Variants in DACH2 observed in about 807,000 individuals in gnomAD.
The protein encoded by DACH2 is dachshund family transcription factor 2.
Under a neutral mutation model 35.8 loss-of-function variants are expected in DACH2, and 17 were observed. The observed-to-expected ratio is 0.48, with a 90% CI of 0.33 to 0.71. The LOEUF (loss-of-function observed/expected upper bound fraction) is 0.71. Ranked by LOEUF, DACH2 falls within the 30% of genes least tolerant of loss-of-function variation. The probability of loss-of-function intolerance (pLI) is 0.02; values close to 1 mark genes in which losing one functional copy is unlikely to be tolerated. For missense variants in DACH2, 469 were observed against 472.7 expected, an observed-to-expected ratio of 0.99 and a Z score of 0.07; for synonymous variants, 195 against 177.3, an observed-to-expected ratio of 1.10 and a Z score of -0.79.
chrX:86,443,177 A>T (rs2037199956), intron 2 of DACH2, among the ~76,000 whole-genome samples: 1 of 111,989 alleles, frequency 8.9e-6, no homozygotes. Flanking sequence ...AATATTAATT[A>T]GTCCAATCCA....
rs182456177 is a variant in DACH2 at position 86,552,688 on chromosome X, T to A, written c.640+38297T>A. On this transcript the variant is annotated intron_variant, in intron 3 of 11. Coordinates refer to ENST00000373125, the MANE Select transcript of DACH2 (RefSeq NM_053281.3). ...TTTTATTGAGAAATGCCTTCATTAA[T>A]TGTATAGCAAGATTTGTTACACATA... Among the ~76,000 whole-genome samples, 32 of 112,098 alleles carry A rather than the reference T, an allele frequency of 2.9e-4. 1 individual carries two copies. In the Admixed American group the frequency reaches 3.0e-3, roughly 10 times the overall value.
intron 1 of DACH2, among the ~76,000 whole-genome samples, chrX:86,233,282 C>A (rs182145477): frequency 2.0e-4 from 22 of 111,403 alleles, no homozygotes; most frequent in African/African-American, 5.9e-4. Context: ...GTACAACAAA[C>A]CCCATGACAC....
intron 1 of DACH2, among the ~76,000 whole-genome samples, chrX:86,267,907 C>T (rs2033740067): frequency 8.9e-6 from 1 of 111,849 alleles, no homozygotes; most frequent in East Asian, 2.8e-4. Context: ...AGAACTTCTC[C>T]TTACATAAAT....
At chrX:86,727,432 C>A (rs949137660) in intron 6 of DACH2, among the ~76,000 whole-genome samples, 1 of 111,577 alleles carries the variant, frequency 9.0e-6, no homozygotes, top group African/African-American at 3.3e-5. Context: ...GTTTAAATTA[C>A]TCTTACTGTC....
intron 3 of DACH2, among the ~76,000 whole-genome samples, chrX:86,614,177 T>C (rs2039978810): frequency 8.9e-6 from 1 of 111,798 alleles, no homozygotes; most frequent in Non-Finnish European, 1.9e-5. Context: ...AATGACTATA[T>C]TATCTAGACG....
At chrX:86,315,948 T>A (rs1260377149) in intron 1 of DACH2, among the ~76,000 whole-genome samples, 1 of 110,047 alleles carries the variant, frequency 9.1e-6, no homozygotes, top group Non-Finnish European at 1.9e-5. Flanking sequence ...AGTAAAAATA[T>A]CAGGGATTTT....
chrX:86,705,067 C>A (rs199890362), intron 5 of DACH2, among the ~76,000 whole-genome samples: 1 of 99,300 alleles, frequency 1.0e-5, no homozygotes, highest in Non-Finnish European at 2.0e-5. Context: ...ATATATATAT[C>A]TCACATATAT....
chrX:86,362,020 C>A (rs2035746395), intron 1 of DACH2, among the ~76,000 whole-genome samples: 1 of 111,050 alleles, frequency 9.0e-6, no homozygotes, highest in Non-Finnish European at 1.9e-5. Context: ...ATTAGTAAAT[C>A]TCTTTAATAC....
At chrX:86,331,841 C>T (rs1306175835) in intron 1 of DACH2, among the ~76,000 whole-genome samples, 2 of 111,378 alleles carry the variant, frequency 1.8e-5, no homozygotes, top group Non-Finnish European at 3.8e-5. Flanking sequence ...CCTTCAGCAA[C>T]CTGCTCATGC....
At chrX:86,388,344 G>T (rs555029455) in intron 2 of DACH2, among the ~76,000 whole-genome samples, 2 of 112,094 alleles carry the variant, frequency 1.8e-5, no homozygotes, top group African/African-American at 6.5e-5. Flanking sequence ...AAGACAGAGT[G>T]AAGCTTTGAT....
chrX:86,300,510 T>G (rs1332185234), intron 1 of DACH2, among the ~76,000 whole-genome samples: 3 of 93,960 alleles, frequency 3.2e-5, no homozygotes, highest in East Asian at 3.7e-4. Flanking sequence ...AAGGGGAACA[T>G]CACACACCGG....
At chrX:86,719,731 C>T (rs1474800655) in intron 6 of DACH2, among the ~76,000 whole-genome samples, 1 of 109,042 alleles carries the variant, frequency 9.2e-6, no homozygotes, top group Non-Finnish European at 1.9e-5. Flanking sequence ...ATGGAGGAAA[C>T]CACTCCCATG....
At chrX:86,624,230 T>TAA (rs1288765314) in intron 3 of DACH2, among the ~76,000 whole-genome samples, 1 of 111,227 alleles carries the variant, frequency 9.0e-6, no homozygotes, top group Non-Finnish European at 1.9e-5. Context: ...AACTAAAAAA[T>TAA]AAAGTGTACT....
At chrX:86,647,559 AAG>A (rs2040429925) in intron 3 of DACH2, among the ~76,000 whole-genome samples, 1 of 110,876 alleles carries the variant, frequency 9.0e-6, no homozygotes, top group Non-Finnish European at 1.9e-5. Context: ...GAGATGAGCA[AAG>A]TTTCAGATGT....
At chrX:86,594,264 G>C (rs904958892) in intron 3 of DACH2, among the ~76,000 whole-genome samples, 1 of 110,894 alleles carries the variant, frequency 9.0e-6, no homozygotes, top group Non-Finnish European at 1.9e-5. Flanking sequence ...TTGTTTAGAG[G>C]TTTACTGGTT....
intron 1 of DACH2, among the ~76,000 whole-genome samples, chrX:86,331,678 T>C (rs1176245079): frequency 4.5e-5 from 5 of 111,631 alleles, no homozygotes; most frequent in African/African-American, 1.6e-4. Flanking sequence ...GATATTTTAC[T>C]GTCAGATATA....
chrX:86,667,577 A>AAAG (rs2040709394), intron 4 of DACH2, among the ~76,000 whole-genome samples: 3 of 101,106 alleles, frequency 3.0e-5, no homozygotes, highest in Non-Finnish European at 5.9e-5. Context: ...AGAAAGAAAG[A>AAAG]AAGAAAGAAA....
chrX:86,618,666 GAT>G (rs1385963872), intron 3 of DACH2, among the ~76,000 whole-genome samples: 1 of 111,812 alleles, frequency 8.9e-6, no homozygotes, highest in Admixed American at 9.5e-5. Context: ...TAACCAAATA[GAT>G]ATATGTGATA....
intron 2 of DACH2, among the ~76,000 whole-genome samples, chrX:86,434,799 A>C (rs2037040728): frequency 1.8e-5 from 2 of 111,825 alleles, no homozygotes; most frequent in Admixed American, 9.6e-5. Context: ...ACGGTTGTGC[A>C]GGCTGTACAG....
Sources: gnomAD v4.1 joint callset for allele counts (sites outside exome capture counted in the v4.1 genomes callset) on GRCh38, gnomAD v4.1.1 for gene constraint, MANE v1.5 for transcripts, NCBI Gene and HGNC (gene_info 2026-07-23, HGNC 2026-07-21) for gene names.